PLAGL1: variants seen among roughly 807,000 people sequenced by gnomAD.
PLAGL1 encodes zinc finger protein PLAGL1.
Under a neutral mutation model 4.6 loss-of-function variants are expected in PLAGL1, and 1 was observed. The observed-to-expected ratio is 0.22, with a 90% CI of 0.08 to 1.03. The LOEUF is 1.03. PLAGL1 is among the 50% of genes least tolerant of loss of function. The probability of loss-of-function intolerance (pLI) is 0.58; values close to 1 mark genes in which losing one functional copy is unlikely to be tolerated. For missense variants in PLAGL1, 464 were observed against 570.4 expected (o/e 0.81, Z 1.90); for synonymous variants, 240 against 237.8 (o/e 1.01, Z -0.08).
At chr6:143,999,852 G>C (rs1018737100) in intron 1 of PLAGL1, among the ~76,000 whole-genome samples, 3 of 151,994 alleles carry the variant, frequency 2.0e-5, no homozygotes, top group Non-Finnish European at 4.4e-5. Flanking sequence ...AGAAAAAAAC[G>C]AGTACTTCCT....
At chr6:143,977,256 C>T (rs1786794604) in intron 2 of PLAGL1, among the ~76,000 whole-genome samples, 1 of 152,010 alleles carries the variant, frequency 6.6e-6, no homozygotes. Context: ...TATGACAGTT[C>T]TCCATCATTA....
intron 1 of PLAGL1, among the ~76,000 whole-genome samples, chr6:144,018,988 C>T (rs906079801): frequency 4.0e-5 from 6 of 151,688 alleles, no homozygotes; most frequent in Non-Finnish European, 2.9e-5. Context: ...GAGTTATGAC[C>T]GCACCACTAT....
rs1350948458 is a variant in PLAGL1, at chr6:144,027,265, AAGAAAGAAAGAAAGAAAGAAAGAAAG to A, written c.-151+37177_-151+37202del. Among the ~76,000 whole-genome samples the A allele has an allele frequency of 6.8e-6, 1 of 146,630 alleles. No individual in the cohort carries two copies. The highest frequency in any genetic ancestry group is 1.5e-5 in the Non-Finnish European group (1 of 66,608). ...AAAGAAAGAAAGAAAGAAAGAAAGA[AAGAAAGAAAGAAAGAAAGAAAGAAAG>A]AAAGTTATTTGATCTGAAGTACAAT... On this transcript the variant is annotated intron_variant, in intron 1 of 3. Coordinates refer to the PLAGL1 transcript ENST00000437412. The surrounding 1 kb of genome is among the most constrained non-coding windows in gnomAD (Gnocchi z 5.8).
chr6:143,980,773 G>T (rs910935958), intron 2 of PLAGL1, among the ~76,000 whole-genome samples: 1 of 152,000 alleles, frequency 6.6e-6, no homozygotes, highest in Admixed American at 6.6e-5. Context: ...GCTACATATT[G>T]CATACTTTAT....
At position 143,957,368 on chromosome 6, in the gene PLAGL1, T is replaced by C. The variant is rs1027698769; in HGVS notation, c.-325+3101A>G. On this transcript the variant is annotated intron_variant, in intron 6 of 7. Coordinates refer to ENST00000674357, the MANE Select transcript of PLAGL1 (RefSeq NM_001317162.2). The surrounding 1 kb of genome is among the most constrained non-coding windows in gnomAD (Gnocchi z 4.2). ...AGCCTTTGGTATTAGGGGAAGATTT[T>C]CTAATTGTTACAGTCAGGAATGGGG... Among the ~76,000 whole-genome samples the C allele has an allele frequency of 1.3e-5, 2 of 152,174 alleles. No individual in the cohort carries two copies. The highest frequency in any genetic ancestry group is 4.8e-5 in the African/African-American group (2 of 41,440).
At chr6:143,956,893 C>A (rs1033932934) in intron 6 of PLAGL1, among the ~76,000 whole-genome samples, 4 of 152,216 alleles carry the variant, frequency 2.6e-5, no homozygotes, top group East Asian at 3.8e-4. Flanking sequence ...GGATCTGTCA[C>A]CCCAGAAGTG....
chr6:143,991,082 G>T lies in PLAGL1; in HGVS notation c.-583-5908C>A, dbSNP rs534869257. On this transcript the variant is annotated intron_variant, in intron 1 of 7. Transcript: ENST00000674357. ...TCTTAGTTGTTTCCATTAGATGATGGCAAGATAGGGGCATCACTCTGACAG... is the reference window on the plus strand; with the variant it reads ...TCTTAGTTGTTTCCATTAGATGATGTCAAGATAGGGGCATCACTCTGACAG... Among the ~76,000 whole-genome samples the T allele has an allele frequency of 1.8e-4, 27 of 152,254 alleles. No individual in the cohort carries two copies. In the East Asian group the frequency reaches 3.9e-3, roughly 22 times the overall value.
At chr6:143,946,210 G>T (rs1420892864) in intron 7 of PLAGL1, among the ~76,000 whole-genome samples, 1 of 152,202 alleles carries the variant, frequency 6.6e-6, no homozygotes, top group Non-Finnish European at 1.5e-5. Context: ...AAATATTTGT[G>T]TATAAGCGGA....
Position 143,985,978 on chromosome 6 carries a change from A to ATC in PLAGL1, c.-583-805_-583-804insGA, listed in dbSNP as rs1182342940. On this transcript the variant is annotated intron_variant, in intron 1 of 7. Coordinates refer to ENST00000674357, the MANE Select transcript of PLAGL1 (RefSeq NM_001317162.2). This position sits in a 1 kb window ranked among gnomAD's most constrained non-coding sequence, Gnocchi z 4.4. ...CATATATATCAAATTATATATATATAAAATTATATATATATATATATATAT... is the reference window on the plus strand; with the variant it reads ...CATATATATCAAATTATATATATATATCAAATTATATATATATATATATATAT... Among the ~76,000 whole-genome samples, 1 of 83,710 alleles carries ATC rather than the reference A, an allele frequency of 1.2e-5. No homozygotes were observed. Among genetic ancestry groups the ATC allele is most frequent in the South Asian group, 4.0e-4 (1 of 2,518 alleles). The allele number at this position is 83,710 out of a possible 152,430, so 54.9% of individuals were successfully genotyped here.
At chr6:143,998,627 A>G (rs1792183214) in intron 1 of PLAGL1, among the ~76,000 whole-genome samples, 1 of 152,248 alleles carries the variant, frequency 6.6e-6, no homozygotes, top group African/African-American at 2.4e-5. Context: ...TCTGGAAAAG[A>G]CATTTAGATA....
At chr6:144,003,486 T>C (rs1003923792) in intron 1 of PLAGL1, among the ~76,000 whole-genome samples, 10 of 151,898 alleles carry the variant, frequency 6.6e-5, no homozygotes, top group South Asian at 4.2e-4. Context: ...TATCCAGGCA[T>C]AGTGGTGGGT....
In PLAGL1 at chr6:143,997,875, T is replaced by C. The variant is rs1792018005; in HGVS notation, c.-584+10215A>G. On this transcript the variant is annotated intron_variant, in intron 1 of 7. Coordinates refer to ENST00000674357, the MANE Select transcript of PLAGL1 (RefSeq NM_001317162.2). The surrounding 1 kb of genome is among the most constrained non-coding windows in gnomAD (Gnocchi z 4.6). Reference sequence around the variant, plus strand: ...AGGTGTGCGTATGTGTGTGTGTGTATAAACTCATCAAGCTATATACTTAAG... The same window carrying C: ...AGGTGTGCGTATGTGTGTGTGTGTACAAACTCATCAAGCTATATACTTAAG... Among the ~76,000 whole-genome samples the C allele has an allele frequency of 6.6e-6, 1 of 152,154 alleles. No individual in the cohort carries two copies. The highest frequency in any genetic ancestry group is 1.5e-5 in the Non-Finnish European group (1 of 68,036).
chr6:143,987,605 C>T (rs1156717911), intron 1 of PLAGL1, among the ~76,000 whole-genome samples: 1 of 151,974 alleles, frequency 6.6e-6, no homozygotes. Context: ...GAAACCCTCT[C>T]CTTTTCAGAC....
rs1289877096 is a variant in PLAGL1, at chr6:143,949,878, T to C, written c.-324-1418A>G. On this transcript the variant is annotated intron_variant, in intron 6 of 7. Coordinates refer to ENST00000674357, the MANE Select transcript of PLAGL1 (RefSeq NM_001317162.2). This position sits in a 1 kb window ranked among gnomAD's most constrained non-coding sequence, Gnocchi z 5.3. ...TTTTTACTTACCTTTTTGGTTACTT[T>C]CAGATCAGAAAGTATGAGTCTAACT... Among the ~76,000 whole-genome samples, 3 of 152,230 alleles carry C rather than the reference T, an allele frequency of 2.0e-5. No individual in the cohort carries two copies. Among genetic ancestry groups the C allele is most frequent in the Admixed American group, 6.5e-5 (1 of 15,288 alleles).
Position 143,989,036 on chromosome 6 carries a change from CAG to C in PLAGL1, c.-583-3864_-583-3863del, listed in dbSNP as rs1399401818. 1.3e-5 allele frequency among the ~76,000 whole-genome samples: 2 copies of C among 152,152 alleles called. No individual in the cohort carries two copies. Among genetic ancestry groups the C allele is most frequent in the Non-Finnish European group, 2.9e-5 (2 of 68,016 alleles). On this transcript the variant is annotated intron_variant, in intron 1 of 7. Transcript: ENST00000674357. The surrounding 1 kb of genome is among the most constrained non-coding windows in gnomAD (Gnocchi z 4.8). ...CTGCAAAATCTCACACCAAAAATAA[CAG>C]AGGGAGAAAAATTCAGAGTAGACCA...
intron 1 of PLAGL1, among the ~76,000 whole-genome samples, chr6:144,030,083 C>T (rs1796683705): frequency 6.6e-6 from 1 of 151,748 alleles, no homozygotes; most frequent in Non-Finnish European, 1.5e-5. Flanking sequence ...GAAACCCTGT[C>T]TCCACTAAAA....
intron 1 of PLAGL1, among the ~76,000 whole-genome samples, chr6:144,014,049 G>A (rs865913948): frequency 4.6e-5 from 7 of 152,092 alleles, no homozygotes; most frequent in South Asian, 2.1e-4. Context: ...GAACCTAGAA[G>A]AGAAAAAATA....
chr6:144,062,865 C>T (rs1583939870), intron 1 of PLAGL1, among the ~76,000 whole-genome samples: 1 of 152,208 alleles, frequency 6.6e-6, no homozygotes, highest in East Asian at 1.9e-4. Flanking sequence ...TCAGACAGAC[C>T]GGGGTTACCA....
At chr6:144,062,257 G>A (rs1799470659) in intron 1 of PLAGL1, among the ~76,000 whole-genome samples, 1 of 151,778 alleles carries the variant, frequency 6.6e-6, no homozygotes, top group South Asian at 2.1e-4. Context: ...CGCGCCTGTA[G>A]TCCCAGCTAC....
Sources: gnomAD v4.1 joint callset for allele counts (sites outside exome capture counted in the v4.1 genomes callset) on GRCh38, gnomAD v4.1.1 for gene constraint, Gnocchi (gnomAD v3.1) non-coding constraint, MANE v1.5 for transcripts, NCBI Gene and HGNC (gene_info 2026-07-23, HGNC 2026-07-21) for gene names.